The following DNAJC19 variants were observed in gnomAD, a reference collection of about 807,000 sequenced individuals.
The protein encoded by DNAJC19 is mitochondrial import inner membrane translocase subunit TIM14.
Under a neutral mutation model 19.8 loss-of-function variants are expected in DNAJC19, and 15 were observed. That is an observed-to-expected ratio of 0.76 (90% CI 0.51 to 1.17). The LOEUF is 1.17. Ranked by LOEUF, DNAJC19 falls within the 50% of genes most tolerant of loss-of-function variation. The pLI, the probability that DNAJC19 is intolerant of heterozygous loss-of-function variation, is 0.00. For synonymous variants in DNAJC19, 38 were observed against 42.1 expected, an observed-to-expected ratio of 0.90 and a Z score of 0.38; for missense variants, 105 against 140.9, an observed-to-expected ratio of 0.75 and a Z score of 1.29.
At chr3:180,987,371 C>G in intron 3 of DNAJC19, 2 of 316,014 alleles carry the variant, frequency 6.3e-6, no homozygotes, top group East Asian at 1.6e-4. Flanking sequence ...GGCTCAAGAA[C>G]AGAAGTCTTT....
chr3:180,989,549 G>A (rs370546709), intron 1 of DNAJC19, 51 bp downstream of exon 1: 4 of 1,562,436 alleles, frequency 2.6e-6, no homozygotes, highest in African/African-American at 2.7e-5. Flanking sequence ...GGGGAGCTGA[G>A]GTTGAGGCCT....
At chr3:180,984,907 A>ATGAT (rs1308847999) in intron 5 of DNAJC19, among the ~76,000 whole-genome samples, 197 bp from the exon 6 acceptor site, 1 of 152,150 alleles carries the variant, frequency 6.6e-6, no homozygotes, top group Non-Finnish European at 1.5e-5. Flanking sequence ...CCAATGAGAA[A>ATGAT]TGAAGTAATT....
rs1019638429 is a variant in DNAJC19 at position 180,983,771 on chromosome 3, T to C, written c.*869A>G. On this transcript the variant is annotated 3_prime_UTR_variant, in exon 6 of 6. Transcript: ENST00000382564. ...AATTCTAAAGAGTCCAAATTAAATATGTTGATATTGAGAACATTTCAGTTT... is the reference window on the plus strand; with the variant it reads ...AATTCTAAAGAGTCCAAATTAAATACGTTGATATTGAGAACATTTCAGTTT... The C allele has an allele frequency of 2.2e-6, 1 of 452,342 alleles. No individual in the cohort carries two copies. The highest frequency in any genetic ancestry group is 4.4e-6 in the Non-Finnish European group (1 of 226,162). The allele number at this position is 452,342 out of a possible 1,614,324, so 28.0% of individuals were successfully genotyped here. A position where few individuals can be genotyped will look rare whatever the true frequency, so the allele number is the denominator to read the frequency against.
chr3:180,987,094 A>AAGACTT, intron 3 of DNAJC19, 72 bp from the exon 4 acceptor site: 1 of 1,368,024 alleles, frequency 7.3e-7, no homozygotes, highest in Non-Finnish European at 1.0e-6. Flanking sequence ...GTCTGGAAAT[A>AAGACTT]TTCACAGAAC....
chr3:180,984,722 AAG>A lies in DNAJC19; in HGVS notation c.281-14_281-13del. On this transcript the variant is annotated splice_polypyrimidine_tract_variant and intron_variant, in intron 5 of 5. Transcript: ENST00000382564. ...ATAAGGAGATCCTCCTATAGGAAGA[AAG>A]AAAAAAGAACAGTTACAATATGGAT... The A allele has an allele frequency of 6.3e-7, 1 of 1,579,562 alleles. No homozygotes were observed. Among genetic ancestry groups the A allele is most frequent in the Non-Finnish European group, 8.7e-7 (1 of 1,153,464 alleles).
intron 3 of DNAJC19, chr3:180,987,315 G>C (rs1560039994): frequency 5.0e-6 from 2 of 400,612 alleles, no homozygotes; most frequent in East Asian, 1.0e-4. Context: ...GTAAAGGAAA[G>C]ATCATTCCAA....
Position 180,989,711 on chromosome 3 carries a change from T to G in DNAJC19, c.-109A>C. The stretch of plus-strand genomic sequence containing the variant: ...CCAGAGAGCGACGCAACCCCCAACC[T>G]CAAGCACAGGCGCCCTACGCAACAC... On this transcript the variant is annotated 5_prime_UTR_variant, in exon 1 of 6. Transcript: ENST00000382564. The G allele has an allele frequency of 6.5e-7, 1 of 1,530,076 alleles. No homozygotes were observed. The highest frequency in any genetic ancestry group is 8.8e-7 in the Non-Finnish European group (1 of 1,133,706). 94.8% of individuals were successfully genotyped at this position (1,530,076 alleles called of 1,614,324 possible). A position where few individuals can be genotyped will look rare whatever the true frequency, so the allele number is the denominator to read the frequency against.
chr3:180,984,544 AT>A lies in DNAJC19; in HGVS notation c.*95del. On this transcript the variant is annotated 3_prime_UTR_variant, in exon 6 of 6. Coordinates refer to ENST00000382564, the MANE Select transcript of DNAJC19 (RefSeq NM_145261.4). ...TTTGAGATTTAGCTTGTGCTAAATC[AT>A]TTTTTAAAATTGTAGCTCTGAGGCA... The A allele has an allele frequency of 1.2e-6, 1 of 845,164 alleles. No individual in the cohort carries two copies. The highest frequency in any genetic ancestry group is 1.9e-6 in the Non-Finnish European group (1 of 522,304). The allele number at this position is 845,164 out of a possible 1,614,324, so 52.4% of individuals were successfully genotyped here.
intron 1 of DNAJC19, 54 bp downstream of exon 1, chr3:180,989,546 T>C (rs1715108950): frequency 1.3e-6 from 2 of 1,560,818 alleles, no homozygotes; most frequent in African/African-American, 1.4e-5. Context: ...GGCGGGGAGC[T>C]GAGGTTGAGG....
intron 5 of DNAJC19, chr3:180,985,361 A>C (rs1714848401): frequency 1.3e-5 from 2 of 154,526 alleles, no homozygotes; most frequent in South Asian, 2.0e-4. Context: ...AAACAAGCTA[A>C]ATTTCATAAA....
At chr3:180,984,789 G>C in intron 5 of DNAJC19, 79 bp from the exon 6 acceptor site, 1 of 1,006,910 alleles carries the variant, frequency 9.9e-7, no homozygotes, top group Non-Finnish European at 1.5e-6. Flanking sequence ...CTTGTTTCAA[G>C]GACTCCAATG....
intron 5 of DNAJC19, among the ~76,000 whole-genome samples, chr3:180,985,152 TTTTTCTGTCC>T (rs1451404679): frequency 2.6e-5 from 4 of 152,156 alleles, no homozygotes; most frequent in Non-Finnish European, 4.4e-5. Flanking sequence ...CTTTACATCC[TTTTTCTGTCC>T]AGTTTTTCTT....
At position 180,983,874 on chromosome 3, in the gene DNAJC19, G is replaced by A. The variant is rs542253686; in HGVS notation, c.*766C>T. The A allele has an allele frequency of 6.6e-6, 3 of 453,940 alleles. No individual in the cohort carries two copies. The highest frequency in any genetic ancestry group is 4.7e-5 in the Admixed American group (2 of 42,548). The allele number at this position is 453,940 out of a possible 1,614,324, so 28.1% of individuals were successfully genotyped here. On this transcript the variant is annotated 3_prime_UTR_variant, in exon 6 of 6. Coordinates refer to ENST00000382564, the MANE Select transcript of DNAJC19 (RefSeq NM_145261.4). ...TTATGTCAAGAAATAGCCAACTGAA[G>A]GAATAATTTATAAATGGTCATTACC... is the stretch of plus-strand genomic sequence containing the variant.
At chr3:180,985,571 G>T in intron 5 of DNAJC19, 1 of 245,926 alleles carries the variant, frequency 4.1e-6, no homozygotes, top group Non-Finnish European at 8.1e-6. Context: ...TATCACAAAC[G>T]AATAAATAAA....
In DNAJC19 at chr3:180,988,351, T is replaced by A. The variant is rs886951044; in HGVS notation, c.4-122A>T. ...TTAATAGGAGAAACAACTTTTTTTT[T>A]TCTTTTTTTTTTTTTTTTTTTAAGA... On this transcript the variant is annotated intron_variant, in intron 1 of 5. Transcript: ENST00000382564. 3 of 1,095,432 alleles carry A rather than the reference T, an allele frequency of 2.7e-6. No homozygotes were observed. The African/African-American group carries it at 5.0e-5, about 18-fold the overall frequency. The allele number at this position is 1,095,432 out of a possible 1,614,324, so 67.9% of individuals were successfully genotyped here. A position where few individuals can be genotyped will look rare whatever the true frequency, so the allele number is the denominator to read the frequency against.
chr3:180,988,967 C>A (rs1433071483), intron 1 of DNAJC19, among the ~76,000 whole-genome samples: 1 of 149,458 alleles, frequency 6.7e-6, no homozygotes, highest in Non-Finnish European at 1.5e-5. Flanking sequence ...AAGATTGTGC[C>A]ACTGCACTCC....
At chr3:180,985,586 A>G (rs904244602) in intron 5 of DNAJC19, 4 of 265,616 alleles carry the variant, frequency 1.5e-5, no homozygotes, top group South Asian at 4.7e-5. Context: ...AATAAATCCC[A>G]TAAGTTTCTA....
At chr3:180,989,383 G>A (rs1715099535) in intron 1 of DNAJC19, 3 of 1,431,586 alleles carry the variant, frequency 2.1e-6, no homozygotes, top group Admixed American at 5.6e-5. Flanking sequence ...CGGACAAGAA[G>A]CTGGAGAACC....
chr3:180,985,786 A>G, intron 5 of DNAJC19, 140 bp downstream of exon 5: 3 of 739,482 alleles, frequency 4.1e-6, no homozygotes, highest in Non-Finnish European at 6.9e-6. Flanking sequence ...GACACCAAAA[A>G]TATATGGCTC....
Sources: allele counts gnomAD v4.1 joint callset (sites outside exome capture counted in the v4.1 genomes callset), GRCh38; gene constraint gnomAD v4.1.1; transcripts MANE v1.5; gene names NCBI Gene and HGNC (gene_info 2026-07-23, HGNC 2026-07-21).